The following DSC2 variants were observed in gnomAD, a reference collection of about 807,000 sequenced individuals.
The protein encoded by DSC2 is desmocollin-2.
Under a neutral mutation model 87.6 loss-of-function variants are expected in DSC2, and 51 were observed. The ratio of observed to expected loss-of-function variants is 0.58; its 90% CI spans 0.46 to 0.74. DSC2 has a LOEUF of 0.74. Among genes scored for constraint, DSC2 ranks in the 30% least tolerant of loss-of-function variants. The pLI, the probability that DSC2 is intolerant of heterozygous loss-of-function variation, is 0.00. For missense variants in DSC2, 1,066 were observed against 1,089.5 expected (o/e 0.98, Z 0.30); for synonymous variants, 383 against 393.2 (o/e 0.97, Z 0.31).
In DSC2 at chr18:31,080,007, T is replaced by A. The variant is rs886506694; in HGVS notation, c.1521-18A>T. ...TCTTATACCTGTTGGTAATGATGAA[T>A]TAAAATAATAAAATTTATCATATGC... On this transcript the variant is annotated intron_variant, in intron 10 of 15. Coordinates refer to ENST00000280904, the MANE Select transcript of DSC2 (RefSeq NM_024422.6). The A allele has an allele frequency of 6.2e-7, 1 of 1,611,830 alleles. No individual in the cohort carries two copies. The highest frequency in any genetic ancestry group is 1.3e-5 in the African/African-American group (1 of 74,834).
chr18:31,074,927 A>G lies in DSC2; in HGVS notation c.1664-20T>C. The G allele has an allele frequency of 6.3e-7, 1 of 1,598,518 alleles. No individual in the cohort carries two copies. Among genetic ancestry groups the G allele is most frequent in the Non-Finnish European group, 8.5e-7 (1 of 1,171,408 alleles). ...TCCCTCCTAGAAAAATGAAAATAAA[A>G]ATAGTTTTTCTATGTTTTGAGTTTT... On this transcript the variant is annotated intron_variant, in intron 11 of 15. Transcript: ENST00000280904.
chr18:31,093,677 G>A (rs780123408), intron 1 of DSC2, 34 bp from the exon 2 acceptor site: 2 of 1,416,916 alleles, frequency 1.4e-6, no homozygotes, highest in South Asian at 2.6e-5. Context: ...TAAATATTAT[G>A]CATAAAAAGA....
intron 13 of DSC2, 28 bp downstream of exon 13, chr18:31,071,577 T>C (rs763961895): frequency 5.6e-6 from 9 of 1,597,628 alleles, no homozygotes; most frequent in Non-Finnish European, 6.9e-6. Flanking sequence ...GGGTATTATT[T>C]GAATTCAAGA....
At chr18:31,083,930 G>A (rs1987314809) in intron 7 of DSC2, among the ~76,000 whole-genome samples, 2 of 152,068 alleles carry the variant, frequency 1.3e-5, no homozygotes, top group Non-Finnish European at 2.9e-5. Context: ...AGGAGACTTG[G>A]GTTCTATTTC....
chr18:31,086,870 T>C lies in DSC2; in HGVS notation c.776-128A>G, dbSNP rs1022511248. 3 of 1,028,902 alleles carry C rather than the reference T, an allele frequency of 2.9e-6. No individual in the cohort carries two copies. In the African/African-American group the frequency reaches 4.8e-5, roughly 16 times the overall value. The allele number at this position is 1,028,902 out of a possible 1,614,324, so 63.7% of individuals were successfully genotyped here. ...TATTACATGGCAAAGTCATGGCTTT[T>C]ATAAATTTGCAGACCTCTCCATACA... On this transcript the variant is annotated intron_variant, in intron 6 of 15. Transcript: ENST00000280904.
At chr18:31,085,855 T>C (rs995054319) in intron 7 of DSC2, among the ~76,000 whole-genome samples, 10 of 152,070 alleles carry the variant, frequency 6.6e-5, no homozygotes, top group Non-Finnish European at 1.2e-4. Context: ...GAGGAGGTAA[T>C]AGTTGAATAA....
At chr18:31,097,374 AT>A (rs113392669) in intron 1 of DSC2, among the ~76,000 whole-genome samples, 1 of 151,906 alleles carries the variant, frequency 6.6e-6, no homozygotes, top group African/African-American at 2.4e-5. Flanking sequence ...TGTAAAGCCT[AT>A]TTGAAGGAAA....
At chr18:31,083,686 G>T (rs1465489995) in intron 7 of DSC2, among the ~76,000 whole-genome samples, 1 of 152,130 alleles carries the variant, frequency 6.6e-6, no homozygotes, top group Non-Finnish European at 1.5e-5. Flanking sequence ...GAAGATAAAG[G>T]TCTGGGGCTA....
At position 31,069,074 on chromosome 18, in the gene DSC2, G is replaced by C. The variant is rs1789054; in HGVS notation, c.2328C>G (p.Ile776Met). 1.8e-5 allele frequency: 29 copies of C among 1,614,004 alleles called. No individual in the cohort carries two copies. The highest frequency in any genetic ancestry group is 1.6e-4 in the Middle Eastern group (1 of 6,084). The change falls in exon 15 of 16, where the codon ATC becomes ATG. Residue 776 changes from isoleucine (I) to methionine (M), a missense_variant. Coordinates refer to ENST00000280904, the MANE Select transcript of DSC2 (RefSeq NM_024422.6). ...CGATGGTCTCCTGACCTCCGTTTTTGATTCCTGATCCCACGGTGCCACAAA... is the reference window on the plus strand; with the variant it reads ...CGATGGTCTCCTGACCTCCGTTTTTCATTCCTGATCCCACGGTGCCACAAA... The part of the protein sequence containing the change: ...QGVCGTVGSG[I>M]KNGGQETIEM...
Position 31,059,183 on chromosome 18 carries a change from C to T in DSC2, c.*8832G>A, listed in dbSNP as rs981089479. On this transcript the variant is annotated 3_prime_UTR_variant, in exon 16 of 16. Transcript: ENST00000280904. ...GTGCAAAGATTAACTGTGATTGTGT[C>T]TACTACAGGAGAAATAAGGAGCAGC... 3 of 152,272 alleles carry T rather than the reference C, an allele frequency of 2.0e-5. No homozygotes were observed. Among genetic ancestry groups the T allele is most frequent in the Non-Finnish European group, 4.4e-5 (3 of 68,016 alleles). 9.4% of individuals were successfully genotyped at this position (152,272 alleles called of 1,614,324 possible).
rs1300678837 is a variant in DSC2 at position 31,062,167 on chromosome 18, G to C, written c.*5848C>G. 6.6e-6 allele frequency: 1 copy of C among 152,166 alleles called. No homozygotes were observed. The highest frequency in any genetic ancestry group is 2.4e-5 in the African/African-American group (1 of 41,438). The allele number at this position is 152,166 out of a possible 1,614,324, so 9.4% of individuals were successfully genotyped here. On this transcript the variant is annotated 3_prime_UTR_variant, in exon 16 of 16. Transcript: ENST00000280904. ...TCTCAGGGCACACATGAGCACGGTG[G>C]TTTCCTGTTACAGAATGTTCTCCCA...
rs2144799607 is a variant in DSC2, at chr18:31,074,738, A to G, written c.1833T>C (p.Ser611=). 6.2e-7 allele frequency: 1 copy of G among 1,614,048 alleles called. No homozygotes were observed. Among genetic ancestry groups the G allele is most frequent in the Non-Finnish European group, 8.5e-7 (1 of 1,179,960 alleles). Residue 611 remains serine, a synonymous_variant, in exon 12 of 16, where the codon AGT becomes AGC. Coordinates refer to ENST00000280904, the MANE Select transcript of DSC2 (RefSeq NM_024422.6). The part of the protein sequence containing the change: ...EPIHGPPFDF[S]LESSTSEVQR... The stretch of plus-strand genomic sequence containing the variant: ...GTACTTCTGAAGTAGAACTCTCCAG[A>G]CTAAAGTCAAAGGGTGGGCCATGGA...
In DSC2 at chr18:31,070,072, ACT is replaced by A. The variant is rs1298810831; in HGVS notation, c.2250+652_2250+653del. On this transcript the variant is annotated intron_variant, in intron 14 of 15. Coordinates refer to ENST00000280904, the MANE Select transcript of DSC2 (RefSeq NM_024422.6). ...AGTTATTTATGTTGCATTTTTGGAA[ACT>A]CTAATATTATTTAAATTTTATTTTT... 3.9e-5 allele frequency among the ~76,000 whole-genome samples: 6 copies of A among 152,040 alleles called. No homozygotes were observed. In the East Asian group the frequency reaches 1.2e-3, roughly 29 times the overall value.
At chr18:31,073,242 C>T (rs554232125) in intron 12 of DSC2, among the ~76,000 whole-genome samples, 29 of 152,032 alleles carry the variant, frequency 1.9e-4, no homozygotes, top group South Asian at 2.1e-4. Flanking sequence ...AAAAAAATGT[C>T]CACTTTCTAT....
In DSC2 at chr18:31,080,414, A is replaced by T. The variant is rs546402274; in HGVS notation, c.1264-62T>A. 13 of 1,570,818 alleles carry T rather than the reference A, an allele frequency of 8.3e-6. No individual in the cohort carries two copies. In the East Asian group the frequency reaches 2.7e-4, roughly 33 times the overall value. On this transcript the variant is annotated intron_variant, in intron 9 of 15. Coordinates refer to ENST00000280904, the MANE Select transcript of DSC2 (RefSeq NM_024422.6). ...CATTTAATATTTGGCAATGCTAACG[A>T]GTATATATAATGTTAAATTTGGAAA...
chr18:31,074,896 A>T lies in DSC2; in HGVS notation c.1675T>A (p.Cys559Ser). ...VLASDQGGRTCTGTLGIILQD... is the reference protein window; with the variant it reads ...VLASDQGGRTSTGTLGIILQD... ...AGTATAATGCCCAGTGTCCCCGTAC[A>T]TGTTCTCCCTCCTAGAAAAATGAAA... Residue 559 changes from cysteine (C) to serine (S), a missense_variant, in exon 12 of 16, where the codon TGT becomes AGT. Coordinates refer to ENST00000280904, the MANE Select transcript of DSC2 (RefSeq NM_024422.6). 6.2e-7 allele frequency: 1 copy of T among 1,613,722 alleles called. No individual in the cohort carries two copies. Among genetic ancestry groups the T allele is most frequent in the Non-Finnish European group, 8.5e-7 (1 of 1,179,842 alleles).
rs753037887 is a variant in DSC2 at position 31,082,264 on chromosome 18, T to C, written c.1237A>G (p.Asn413Asp). 1 of 1,613,632 alleles carries C rather than the reference T, an allele frequency of 6.2e-7. No individual in the cohort carries two copies. The change falls in exon 9 of 16, where the codon AAT becomes GAT. Residue 413 changes from asparagine (N) to aspartate (D), a missense_variant. Asn to Asp is a conservative substitution (Grantham distance 23, BLOSUM62 1). Coordinates refer to ENST00000280904, the MANE Select transcript of DSC2 (RefSeq NM_024422.6). ...NFKIVTDAKT[N>D]EGVLCVVKPL... The stretch of plus-strand genomic sequence containing the variant: ...TTAACTACACAAAGAACTCCTTCAT[T>C]GGTTTTGGCATCTGTTACAATTTTA...
intron 11 of DSC2, among the ~76,000 whole-genome samples, chr18:31,077,467 A>G (rs1405840512): frequency 5.3e-5 from 8 of 152,226 alleles, no homozygotes; most frequent in Non-Finnish European, 1.2e-4. Context: ...CTCTTCTACA[A>G]CTGGGATAAA....
chr18:31,092,375 G>A, intron 2 of DSC2, 75 bp from the exon 3 acceptor site: 2 of 1,329,376 alleles, frequency 1.5e-6, no homozygotes, highest in Non-Finnish European at 2.1e-6. Flanking sequence ...GTATGCACGT[G>A]GGGAGAGCCA....
Sources: gnomAD v4.1 joint callset for allele counts (sites outside exome capture counted in the v4.1 genomes callset) on GRCh38, gnomAD v4.1.1 for gene constraint, MANE v1.5 for transcripts, NCBI Gene and HGNC (gene_info 2026-07-23, HGNC 2026-07-21) for gene names.